CAST: variants seen among roughly 807,000 people sequenced by gnomAD.
The protein encoded by CAST is MIR583 host.
A neutral mutation model predicts 119.6 loss-of-function variants in CAST; 76 were observed. The ratio of observed to expected loss-of-function variants is 0.64; its 90% CI spans 0.53 to 0.77. The LOEUF is 0.77. CAST is among the 30% of genes least tolerant of loss of function. The pLI is 0.00. For synonymous variants in CAST, 319 were observed against 331.6 expected (o/e 0.96, Z 0.41); for missense variants, 953 against 946.5 (o/e 1.01, Z -0.09).
intron 1 of CAST, among the ~76,000 whole-genome samples, chr5:96,607,079 G>T (rs903590035): frequency 3.9e-5 from 6 of 152,188 alleles, no homozygotes; most frequent in Non-Finnish European, 8.8e-5. Context: ...ACGAGGTCAG[G>T]AGATCAAGAC....
chr5:96,767,785 G>A lies in CAST; in HGVS notation c.2176-122G>A, dbSNP rs187827450. On this transcript the variant is annotated intron_variant, in intron 28 of 31. Transcript: ENST00000675179. ...TTTACAATACATTATTATTAATAAA[G>A]AATGTCAGTCAGTTTTTTTCTTATA... 2.4e-5 allele frequency: 16 copies of A among 654,092 alleles called. 2 individuals are homozygous for A. Among genetic ancestry groups the A allele is most frequent in the African/African-American group, 2.0e-4 (11 of 54,408 alleles). 40.5% of individuals were successfully genotyped at this position (654,092 alleles called of 1,614,324 possible). A position where few individuals can be genotyped will look rare whatever the true frequency, so the allele number is the denominator to read the frequency against.
the CAST span, among the ~76,000 whole-genome samples, chr5:96,189,543 T>C: frequency 6.6e-6 from 1 of 152,206 alleles, no homozygotes; most frequent in South Asian, 2.1e-4. Context: ...CTTTGAGATA[T>C]TTTCTTCCTT....
the CAST span, among the ~76,000 whole-genome samples, chr5:96,489,383 G>A: frequency 4.6e-5 from 7 of 151,702 alleles, no homozygotes; most frequent in African/African-American, 1.7e-4. Context: ...ATTGAGTAAT[G>A]CACAACCACA....
chr5:96,454,199 C>T, the CAST span, among the ~76,000 whole-genome samples: 1 of 152,116 alleles, frequency 6.6e-6, no homozygotes, highest in Non-Finnish European at 1.5e-5. Context: ...ACGTGGTAGC[C>T]GTACAATCTA....
intron 16 of CAST, among the ~76,000 whole-genome samples, chr5:96,745,311 A>C (rs745576555): frequency 6.6e-6 from 1 of 152,244 alleles, no homozygotes; most frequent in Non-Finnish European, 1.5e-5. Flanking sequence ...TGGTCCATTA[A>C]AAGTGCTCAA....
chr5:96,053,171 A>C, the CAST span, among the ~76,000 whole-genome samples: 14 of 152,290 alleles, frequency 9.2e-5, no homozygotes, highest in Non-Finnish European at 1.6e-4. Flanking sequence ...TTGGCTATAC[A>C]TTGGAAACTC....
chr5:96,429,283 T>C, the CAST span: 1 of 1,597,426 alleles, frequency 6.3e-7, no homozygotes, highest in Non-Finnish European at 8.6e-7. Flanking sequence ...GTGGTTTTTA[T>C]GTTTGAATAA....
At chr5:96,044,082 T>C in the CAST span, among the ~76,000 whole-genome samples, 1 of 152,220 alleles carries the variant, frequency 6.6e-6, no homozygotes, top group African/African-American at 2.4e-5. Context: ...CAAAACCTAA[T>C]ACAATATTTA....
At chr5:96,029,611 G>T in the CAST span, among the ~76,000 whole-genome samples, 2 of 152,076 alleles carry the variant, frequency 1.3e-5, no homozygotes, top group Non-Finnish European at 2.9e-5. Flanking sequence ...ACCAAAGAAA[G>T]ATTTGAATAA....
At chr5:96,482,135 G>A in the CAST span, among the ~76,000 whole-genome samples, 3 of 152,024 alleles carry the variant, frequency 2.0e-5, no homozygotes, top group African/African-American at 7.2e-5. Flanking sequence ...TGAAAGATCT[G>A]ACCTTTGCTG....
the CAST span, among the ~76,000 whole-genome samples, chr5:95,991,902 C>T: frequency 6.6e-6 from 1 of 152,172 alleles, no homozygotes; most frequent in South Asian, 2.1e-4. Context: ...GACTTAATCA[C>T]TACTTATTCT....
At chr5:96,325,524 G>A in the CAST span, among the ~76,000 whole-genome samples, 1 of 150,044 alleles carries the variant, frequency 6.7e-6, no homozygotes, top group Non-Finnish European at 1.5e-5. Context: ...CTGTTGCCCA[G>A]GCTGGAGTGC....
At chr5:95,998,073 A>T in the CAST span, among the ~76,000 whole-genome samples, 1 of 150,098 alleles carries the variant, frequency 6.7e-6, no homozygotes, top group Non-Finnish European at 1.5e-5. Flanking sequence ...GACAATGAAG[A>T]TAAGGATCTT....
the CAST span, among the ~76,000 whole-genome samples, chr5:96,194,515 G>C: frequency 2.0e-5 from 3 of 152,304 alleles, no homozygotes; most frequent in South Asian, 6.2e-4. Flanking sequence ...CTGGTTCCCA[G>C]ATTTCAGTCT....
chr5:96,311,613 G>A, the CAST span, among the ~76,000 whole-genome samples: 2 of 151,974 alleles, frequency 1.3e-5, no homozygotes, highest in African/African-American at 4.8e-5. Flanking sequence ...ATTTATAATT[G>A]TTTAATCTTC....
chr5:95,966,050 T>G, the CAST span, among the ~76,000 whole-genome samples: 2 of 152,146 alleles, frequency 1.3e-5, no homozygotes, highest in Admixed American at 6.5e-5. Flanking sequence ...GGCTCTCTAA[T>G]CTAGGTCCAT....
the CAST span, among the ~76,000 whole-genome samples, chr5:96,255,018 C>T: frequency 2.0e-5 from 3 of 151,958 alleles, no homozygotes; most frequent in Admixed American, 2.0e-4. Context: ...GTTGCATTTC[C>T]TTGTAGCTTA....
chr5:96,706,525 T>A (rs960315172), intron 3 of CAST, among the ~76,000 whole-genome samples: 4 of 152,198 alleles, frequency 2.6e-5, no homozygotes, highest in Admixed American at 2.6e-4. Context: ...GAAATATGAT[T>A]TCTTTAAAGG....
chr5:95,991,348 T>G, the CAST span, among the ~76,000 whole-genome samples: 4,616 of 152,252 alleles, frequency 0.03, 110 homozygotes, highest in Admixed American at 0.075. Context: ...TAGCACAGAT[T>G]GTTATGATGA....
Sources: allele counts gnomAD v4.1 joint callset (sites outside exome capture counted in the v4.1 genomes callset), GRCh38; gene constraint gnomAD v4.1.1; transcripts MANE v1.5; gene names NCBI Gene and HGNC (gene_info 2026-07-23, HGNC 2026-07-21).